Variants in DGKH observed in about 807,000 individuals in gnomAD.
DGKH encodes the protein diacylglycerol kinase eta.
Under a neutral mutation model 159.3 loss-of-function variants are expected in DGKH, and 90 were observed. The ratio of observed to expected loss-of-function variants is 0.57; its 90% CI spans 0.48 to 0.67. The LOEUF (loss-of-function observed/expected upper bound fraction) is 0.67. DGKH is among the 30% of genes least tolerant of loss of function. The pLI, the probability that DGKH is intolerant of heterozygous loss-of-function variation, is 0.00. For missense variants in DGKH, 1,181 were observed against 1,506.1 expected (o/e 0.78, Z 3.57); for synonymous variants, 536 against 553.8 (o/e 0.97, Z 0.45).
intron 16 of DGKH, among the ~76,000 whole-genome samples, chr13:42,192,365 T>G (rs2138121410): frequency 6.6e-6 from 1 of 152,300 alleles, no homozygotes; most frequent in South Asian, 2.1e-4. Context: ...GGCTTTCTAT[T>G]TTCTCCCCTA....
chr13:42,227,387 T>G (rs1002912193), intron 29 of DGKH, among the ~76,000 whole-genome samples: 7 of 152,260 alleles, frequency 4.6e-5, no homozygotes, highest in African/African-American at 1.7e-4. Context: ...AGATTTAGTC[T>G]TGAGAATACA....
chr13:42,182,956 A>G (rs946711631), intron 13 of DGKH, among the ~76,000 whole-genome samples: 2 of 151,968 alleles, frequency 1.3e-5, no homozygotes, highest in Admixed American at 6.6e-5. Context: ...AATTCAGACA[A>G]TGCTCACACA....
At chr13:42,157,714 A>G (rs545497805) in intron 5 of DGKH, among the ~76,000 whole-genome samples, 1 of 152,296 alleles carries the variant, frequency 6.6e-6, no homozygotes, top group African/African-American at 2.4e-5. Flanking sequence ...AAGAGAAGGT[A>G]AGCAAAACAT....
At chr13:42,179,112 T>C (rs2138062300) in intron 13 of DGKH, among the ~76,000 whole-genome samples, 1 of 152,178 alleles carries the variant, frequency 6.6e-6, no homozygotes, top group Non-Finnish European at 1.5e-5. Flanking sequence ...TCCCCAGAAA[T>C]AGGAAGCAGG....
intron 23 of DGKH, 29 bp downstream of exon 23, chr13:42,209,494 A>T: frequency 1.3e-6 from 2 of 1,536,090 alleles, no homozygotes; most frequent in South Asian, 2.5e-5. Context: ...CTTCTAGAAT[A>T]TTGTCAGGTT....
At position 42,181,192 on chromosome 13, in the gene DGKH, G is replaced by C. The variant is rs1283468280; in HGVS notation, c.1538+2972G>C. Among the ~76,000 whole-genome samples, 7 of 150,464 alleles carry C rather than the reference G, an allele frequency of 4.7e-5. No homozygotes were observed. In the East Asian group the frequency reaches 1.2e-3, roughly 26 times the overall value. On this transcript the variant is annotated intron_variant, in intron 13 of 29. Coordinates refer to ENST00000337343, the MANE Select transcript of DGKH (RefSeq NM_178009.5). ...CTCGGGAGGCTGAGGCAGGAGAATG[G>C]CGTGAACCCGGGAGGCGGAGCTTGC... is the stretch of plus-strand genomic sequence containing the variant.
At chr13:42,071,392 A>G (rs1427286918) in intron 1 of DGKH, among the ~76,000 whole-genome samples, 1 of 152,226 alleles carries the variant, frequency 6.6e-6, no homozygotes, top group Non-Finnish European at 1.5e-5. Context: ...AAGAAACTCA[A>G]ACAGAATGAA....
Position 42,240,641 on chromosome 13 carries a change from A to C in DGKH, c.*11453A>C, listed in dbSNP as rs533404992. ...GTGTGATTTCAGGTTATTTAGAGTT[A>C]TTAATGTAAACATAAGAAGGCTTGT... On this transcript the variant is annotated 3_prime_UTR_variant, in exon 30 of 30. Coordinates refer to ENST00000337343, the MANE Select transcript of DGKH (RefSeq NM_178009.5). 13 of 152,328 alleles carry C rather than the reference A, an allele frequency of 8.5e-5. No individual in the cohort carries two copies. The highest frequency in any genetic ancestry group is 3.1e-4 in the African/African-American group (13 of 41,566). The allele number at this position is 152,328 out of a possible 1,614,324, so 9.4% of individuals were successfully genotyped here. A position where few individuals can be genotyped will look rare whatever the true frequency, so the allele number is the denominator to read the frequency against.
intron 29 of DGKH, among the ~76,000 whole-genome samples, chr13:42,250,276 C>A (rs981951555): frequency 1.3e-5 from 2 of 151,358 alleles, no homozygotes; most frequent in African/African-American, 4.9e-5. Context: ...GCCACTCCAG[C>A]TCCTATTTAA....
intron 1 of DGKH, among the ~76,000 whole-genome samples, chr13:42,092,488 C>G (rs1954437884): frequency 6.6e-6 from 1 of 151,992 alleles, no homozygotes; most frequent in Non-Finnish European, 1.5e-5. Flanking sequence ...GGGAATAAAC[C>G]AAGGACAGAA....
intron 1 of DGKH, chr13:42,070,403 T>C: frequency 7.2e-7 from 1 of 1,393,404 alleles, no homozygotes; most frequent in South Asian, 1.2e-5. Flanking sequence ...GCAAAAAGGG[T>C]TTTACAAAAC....
intron 1 of DGKH, among the ~76,000 whole-genome samples, chr13:42,096,345 G>A (rs1395999985): frequency 1.3e-5 from 2 of 152,070 alleles, no homozygotes; most frequent in African/African-American, 4.8e-5. Flanking sequence ...GCAGTATTTG[G>A]TTTTCTGTTC....
Position 42,227,882 on chromosome 13 carries a change from A to G in DGKH, c.3574-1217A>G, listed in dbSNP as rs538882842. On this transcript the variant is annotated intron_variant, in intron 29 of 29. Transcript: ENST00000337343. ...ATTTCATTCAAAAGTTGAAAAATAA[A>G]TAAATTATAAAACAGGGTGGATATT... 2.1e-4 allele frequency among the ~76,000 whole-genome samples: 32 copies of G among 152,338 alleles called. No homozygotes were observed. The East Asian group carries it at 3.7e-3, about 17-fold the overall frequency.
Position 42,168,808 on chromosome 13 carries a change from A to C in DGKH, c.1357A>C (p.Met453Leu). The C allele has an allele frequency of 6.2e-7, 1 of 1,612,856 alleles. No individual in the cohort carries two copies. Among genetic ancestry groups the C allele is most frequent in the Non-Finnish European group, 8.5e-7 (1 of 1,179,186 alleles). The change falls in exon 11 of 30, where the codon ATG becomes CTG. Residue 453 changes from methionine (M) to leucine (L), a missense_variant. This residue lies in a region of DGKH where 369 missense variants were observed against 519.4 expected (regional missense o/e 0.71). Transcript: ENST00000337343. The stretch of plus-strand genomic sequence containing the variant: ...GAAACTGGAACGAGCCAGTACCAAA[A>C]TGTTGGACAGGTAAAAGTAAATTCT... ...LEKLERASTK[M>L]LDRWSIMTYE... is the part of the protein sequence containing the mutation.
At position 42,230,004 on chromosome 13, in the gene DGKH, T is replaced by A. The variant is rs913071728; in HGVS notation, c.*816T>A. 1 of 152,190 alleles carries A rather than the reference T, an allele frequency of 6.6e-6. No homozygotes were observed. Among genetic ancestry groups the A allele is most frequent in the African/African-American group, 2.4e-5 (1 of 41,454 alleles). The allele number at this position is 152,190 out of a possible 1,614,324, so 9.4% of individuals were successfully genotyped here. ...ATGATATACATCACATGCAAGTCAATTTTATTTCAATCTATCATAAGCAGT... is the reference window on the plus strand; with the variant it reads ...ATGATATACATCACATGCAAGTCAAATTTATTTCAATCTATCATAAGCAGT... On this transcript the variant is annotated 3_prime_UTR_variant, in exon 30 of 30. Coordinates refer to ENST00000337343, the MANE Select transcript of DGKH (RefSeq NM_178009.5).
intron 1 of DGKH, among the ~76,000 whole-genome samples, chr13:42,053,969 T>C (rs560947355): frequency 2.6e-5 from 4 of 152,232 alleles, no homozygotes; most frequent in African/African-American, 9.6e-5. Flanking sequence ...CATTCTTCAA[T>C]TGATATCTTG....
intron 1 of DGKH, chr13:42,070,915 T>C: frequency 7.9e-7 from 1 of 1,270,270 alleles, no homozygotes; most frequent in Admixed American, 1.7e-5. Flanking sequence ...TAGAGCATGT[T>C]TGACACTCTG....
chr13:42,210,790 G>T, intron 24 of DGKH, 25 bp downstream of exon 24: 1 of 1,595,268 alleles, frequency 6.3e-7, no homozygotes, highest in Non-Finnish European at 8.5e-7. Context: ...TGACTTTTCA[G>T]GCTGTGGGAA....
chr13:42,163,482 T>C (rs1956241202), intron 7 of DGKH, among the ~76,000 whole-genome samples: 1 of 152,016 alleles, frequency 6.6e-6, no homozygotes, highest in East Asian at 1.9e-4. Context: ...CCACCAACAG[T>C]GTAAAAGTGT....
Sources: allele counts gnomAD v4.1 joint callset (sites outside exome capture counted in the v4.1 genomes callset), GRCh38; gene constraint gnomAD v4.1.1; regional missense constraint gnomAD v4.1.1; transcripts MANE v1.5; gene names NCBI Gene and HGNC (gene_info 2026-07-23, HGNC 2026-07-21).